The following COL9A1 variants were observed in gnomAD, a reference collection of about 807,000 sequenced individuals.
COL9A1 encodes the protein collagen alpha-1(IX) chain.
Under a neutral mutation model 142.6 loss-of-function variants are expected in COL9A1, and 104 were observed. The ratio of observed to expected loss-of-function variants is 0.73; its 90% CI spans 0.62 to 0.86. The LOEUF (loss-of-function observed/expected upper bound fraction) is 0.86, where lower values mean the gene tolerates loss of function less well. COL9A1 is among the 40% of genes least tolerant of loss of function. The pLI, the probability that COL9A1 is intolerant of heterozygous loss-of-function variation, is 0.00. For synonymous variants in COL9A1, 466 were observed against 396.0 expected (o/e 1.18, Z -2.10); for missense variants, 1,210 against 1,176.6 (o/e 1.03, Z -0.42).
chr6:70,290,943 C>G (rs1006768948), intron 5 of COL9A1, among the ~76,000 whole-genome samples: 1 of 151,900 alleles, frequency 6.6e-6, no homozygotes, highest in Admixed American at 6.6e-5. Context: ...TGAATATTTG[C>G]CATCTCCAAA....
At position 70,272,039 on chromosome 6, in the gene COL9A1, A is replaced by C. The variant is rs199584121; in HGVS notation, c.1089+26T>G. The C allele has an allele frequency of 8.7e-6, 14 of 1,607,398 alleles. No homozygotes were observed. The African/African-American group carries it at 1.7e-4, about 20-fold the overall frequency. Reference sequence around the variant, plus strand: ...ATAGGACATTTTTATAGACTGCATAAAAATAAATGATGAAGTGATACTTAC... The same window carrying C: ...ATAGGACATTTTTATAGACTGCATACAAATAAATGATGAAGTGATACTTAC... On this transcript the variant is annotated intron_variant, in intron 13 of 37. Coordinates refer to ENST00000357250, the MANE Select transcript of COL9A1 (RefSeq NM_001851.6).
rs570613703 is a variant in COL9A1, at chr6:70,226,771, A to T, written c.2504-762T>A. On this transcript the variant is annotated intron_variant, in intron 36 of 37. Transcript: ENST00000357250. The stretch of plus-strand genomic sequence containing the variant: ...AATGATATCATCATAAAATATTGCC[A>T]GTTCTCCCCAAGCTGAATTTTCATC... Among the ~76,000 whole-genome samples, 19 of 151,718 alleles carry T rather than the reference A, an allele frequency of 1.3e-4. No homozygotes were observed. In the South Asian group the frequency reaches 2.3e-3, roughly 18 times the overall value.
rs1413711834 is a variant in COL9A1 at position 70,226,003 on chromosome 6, A to G, written c.2510T>C (p.Leu837Ser). The G allele has an allele frequency of 6.2e-7, 1 of 1,613,278 alleles. No individual in the cohort carries two copies. The highest frequency in any genetic ancestry group is 1.3e-5 in the African/African-American group (1 of 74,914). Reference sequence around the variant, plus strand: ...AGGGCCACGCTCCCCCTTTTCTCCCAAGTCACCTGCATTACATTAAAGAAA... The same window carrying G: ...AGGGCCACGCTCCCCCTTTTCTCCCGAGTCACCTGCATTACATTAAAGAAA... ...ALGLRGPKGD[L>S]GEKGERGPPG... is the part of the protein sequence containing the mutation. The change falls in exon 37 of 38, where the codon TTG becomes TCG. Residue 837 changes from leucine to serine, a missense_variant. Coordinates refer to ENST00000357250, the MANE Select transcript of COL9A1 (RefSeq NM_001851.6).
intron 4 of COL9A1, among the ~76,000 whole-genome samples, chr6:70,296,884 A>G (rs1280851080): frequency 6.6e-6 from 1 of 152,126 alleles, no homozygotes; most frequent in Non-Finnish European, 1.5e-5. Context: ...GAGATTTTTT[A>G]AAAGGAAGAT....
intron 36 of COL9A1, among the ~76,000 whole-genome samples, 189 bp from the exon 37 acceptor site, chr6:70,226,198 C>CAA (rs1769215146): frequency 1.3e-5 from 2 of 152,188 alleles, no homozygotes; most frequent in South Asian, 4.1e-4. Context: ...GGGGGAAAAT[C>CAA]AAATTATTAT....
chr6:70,266,387 T>C (rs1004340209), intron 18 of COL9A1, among the ~76,000 whole-genome samples: 7 of 152,102 alleles, frequency 4.6e-5, no homozygotes, highest in African/African-American at 1.7e-4. Flanking sequence ...TCTGGTGAAG[T>C]GGAACAACCG....
rs576261698 is a variant in COL9A1 at position 70,278,936 on chromosome 6, T to C, written c.975+1876A>G. On this transcript the variant is annotated intron_variant, in intron 10 of 37. Transcript: ENST00000357250. ...TTTGTTGAGTAAGCTACAAAAGCAC[T>C]ATTAAATTGGGGGACAGATAAGTCC... Among the ~76,000 whole-genome samples, 3 of 152,338 alleles carry C rather than the reference T, an allele frequency of 2.0e-5. No individual in the cohort carries two copies. In the South Asian group the frequency reaches 6.2e-4, roughly 32 times the overall value.
chr6:70,256,316 T>C (rs1771293372), intron 21 of COL9A1, among the ~76,000 whole-genome samples: 4 of 152,362 alleles, frequency 2.6e-5, no homozygotes, highest in African/African-American at 4.8e-5. Context: ...TATTCAATTA[T>C]CAATGGATGG....
chr6:70,234,602 G>GA lies in COL9A1; in HGVS notation c.2260-10dup. On this transcript the variant is annotated splice_polypyrimidine_tract_variant and intron_variant, in intron 34 of 37. Coordinates refer to ENST00000357250, the MANE Select transcript of COL9A1 (RefSeq NM_001851.6). ...TCTGTCGGTGCTCTACCCTGGGACA[G>GA]AAAAGAAAAAAAGGCAGTTTATGCA... 1 of 1,613,954 alleles carries GA rather than the reference G, an allele frequency of 6.2e-7. No homozygotes were observed. Among genetic ancestry groups the GA allele is most frequent in the South Asian group, 1.1e-5 (1 of 91,080 alleles).
At position 70,253,369 on chromosome 6, in the gene COL9A1, T is replaced by A; in HGVS notation, c.1764+16A>T. ...AAATTAAGAAAGATATTAACTTAAA[T>A]TTTAAAATATTTTACCTTTTCACCA... On this transcript the variant is annotated intron_variant, in intron 26 of 37. Transcript: ENST00000357250. The A allele has an allele frequency of 6.5e-7, 1 of 1,549,192 alleles. No homozygotes were observed. Among genetic ancestry groups the A allele is most frequent in the Non-Finnish European group, 8.9e-7 (1 of 1,124,870 alleles).
intron 12 of COL9A1, among the ~76,000 whole-genome samples, chr6:70,272,477 T>C (rs1420533250): frequency 6.6e-6 from 1 of 152,124 alleles, no homozygotes; most frequent in African/African-American, 2.4e-5. Flanking sequence ...TTAAAAGCAT[T>C]CTAGTTTTAC....
chr6:70,250,878 A>G (rs1770895445), intron 28 of COL9A1, among the ~76,000 whole-genome samples: 1 of 152,210 alleles, frequency 6.6e-6, no homozygotes, highest in African/African-American at 2.4e-5. Flanking sequence ...GGTCATTGCT[A>G]TGGCTGCTAT....
At chr6:70,225,638 A>G (rs1198539784) in intron 37 of COL9A1, among the ~76,000 whole-genome samples, 2 of 152,088 alleles carry the variant, frequency 1.3e-5, no homozygotes, top group Admixed American at 6.5e-5. Flanking sequence ...ATAGGATCCA[A>G]TTTATTCAGA....
intron 28 of COL9A1, among the ~76,000 whole-genome samples, chr6:70,243,724 C>T (rs916373438): frequency 2.0e-5 from 3 of 152,264 alleles, no homozygotes; most frequent in East Asian, 3.9e-4. Flanking sequence ...GACCGGGTTT[C>T]GCCATATTGG....
At chr6:70,296,504 T>G (rs558804896) in intron 4 of COL9A1, among the ~76,000 whole-genome samples, 1 of 152,264 alleles carries the variant, frequency 6.6e-6, no homozygotes, top group East Asian at 1.9e-4. Flanking sequence ...CAGATATTTG[T>G]TTTTAATATA....
chr6:70,244,592 C>G (rs1770473991), intron 28 of COL9A1, among the ~76,000 whole-genome samples: 1 of 152,156 alleles, frequency 6.6e-6, no homozygotes, highest in South Asian at 2.1e-4. Flanking sequence ...AAGGGGAAAT[C>G]TCAGTTTTTG....
chr6:70,295,018 T>C (rs1773799347), intron 4 of COL9A1, among the ~76,000 whole-genome samples: 1 of 152,190 alleles, frequency 6.6e-6, no homozygotes, highest in African/African-American at 2.4e-5. Flanking sequence ...CAGCTTCTAA[T>C]TGTTTTATTT....
intron 20 of COL9A1, among the ~76,000 whole-genome samples, chr6:70,257,976 A>T (rs2127579224): frequency 6.6e-6 from 1 of 152,324 alleles, no homozygotes; most frequent in Admixed American, 6.5e-5. Flanking sequence ...ATTTATATAA[A>T]GTAACCGGCC....
chr6:70,279,983 C>A (rs1181878173), intron 10 of COL9A1: 2 of 695,178 alleles, frequency 2.9e-6, no homozygotes, highest in African/African-American at 1.8e-5. Flanking sequence ...TACTTCACTT[C>A]ATATTCCAGG....
Sources: allele counts gnomAD v4.1 joint callset (sites outside exome capture counted in the v4.1 genomes callset), GRCh38; gene constraint gnomAD v4.1.1; transcripts MANE v1.5; gene names NCBI Gene and HGNC (gene_info 2026-07-23, HGNC 2026-07-21).